Variants in NTRK2 observed in about 807,000 individuals in gnomAD.
NTRK2 encodes BDNF/NT-3 growth factors receptor.
A neutral mutation model predicts 94.5 loss-of-function variants in NTRK2; 13 were observed. The ratio of observed to expected loss-of-function variants is 0.14; its 90% CI spans 0.09 to 0.22. The LOEUF is 0.22. NTRK2 is among the 10% of genes least tolerant of loss of function. The pLI is 1.00. For missense variants in NTRK2, 639 were observed against 1,071.2 expected, an observed-to-expected ratio of 0.60 and a Z score of 5.63; for synonymous variants, 372 against 407.4, an observed-to-expected ratio of 0.91 and a Z score of 1.05.
intron 2 of NTRK2, among the ~76,000 whole-genome samples, chr9:84,698,269 T>C (rs1217491819): frequency 1.3e-5 from 2 of 152,116 alleles, no homozygotes; most frequent in African/African-American, 4.8e-5. Context: ...TTTTTAAAAG[T>C]TCACACAGAT....
chr9:84,923,770 G>T (rs551449077), intron 14 of NTRK2, among the ~76,000 whole-genome samples: 94 of 152,190 alleles, frequency 6.2e-4, no homozygotes, highest in African/African-American at 2.2e-3. Flanking sequence ...ACAAAAATTA[G>T]CTGGGTATGG....
chr9:84,744,160 AT>A (rs2063865972), intron 10 of NTRK2, among the ~76,000 whole-genome samples: 1 of 152,202 alleles, frequency 6.6e-6, no homozygotes, highest in Non-Finnish European at 1.5e-5. Flanking sequence ...GACCTTTTAT[AT>A]GCAATATTGC....
intron 8 of NTRK2, among the ~76,000 whole-genome samples, chr9:84,725,549 C>T (rs562564711): frequency 1.3e-5 from 2 of 151,570 alleles, no homozygotes; most frequent in Non-Finnish European, 2.9e-5. Flanking sequence ...CCACTGTGGT[C>T]CTTGTAGTGG....
intron 9 of NTRK2, among the ~76,000 whole-genome samples, chr9:84,733,123 A>G (rs2063007070): frequency 1.3e-5 from 2 of 152,146 alleles, no homozygotes; most frequent in Admixed American, 6.5e-5. Flanking sequence ...TTGTCCTCTG[A>G]GCCATCCGTT....
chr9:84,770,916 C>T (rs1354485698), intron 12 of NTRK2, among the ~76,000 whole-genome samples: 1 of 152,142 alleles, frequency 6.6e-6, no homozygotes, highest in African/African-American at 2.4e-5. Context: ...TGCTAACTCT[C>T]CTTTCCCCCC....
intron 14 of NTRK2, among the ~76,000 whole-genome samples, chr9:84,868,461 G>T (rs140381679): frequency 7.0e-4 from 106 of 152,190 alleles, no homozygotes; most frequent in African/African-American, 2.4e-3. Context: ...TTTATCCCAA[G>T]GCATGTTTAA....
intron 17 of NTRK2, among the ~76,000 whole-genome samples, chr9:84,966,220 T>C (rs1209505990): frequency 6.6e-6 from 1 of 152,210 alleles, no homozygotes; most frequent in Non-Finnish European, 1.5e-5. Context: ...TGATCTTACC[T>C]AGTACTATAG....
chr9:84,676,703 C>T (rs2059079057), intron 2 of NTRK2, among the ~76,000 whole-genome samples: 2 of 152,170 alleles, frequency 1.3e-5, no homozygotes, highest in African/African-American at 2.4e-5. Flanking sequence ...GTTCTGTGTT[C>T]TCAAACAGAC....
chr9:84,902,699 G>C (rs918171652), intron 14 of NTRK2, among the ~76,000 whole-genome samples: 1 of 152,184 alleles, frequency 6.6e-6, no homozygotes, highest in Non-Finnish European at 1.5e-5. Context: ...TGGGTGTCTT[G>C]TGTAGGAATC....
chr9:84,849,767 G>T (rs2074663149), intron 12 of NTRK2, among the ~76,000 whole-genome samples: 1 of 152,150 alleles, frequency 6.6e-6, no homozygotes. Flanking sequence ...CACGACTAAT[G>T]AATGTTCCTA....
At chr9:84,873,101 A>C (rs2075926961) in intron 14 of NTRK2, 2 of 1,064,594 alleles carry the variant, frequency 1.9e-6, no homozygotes, top group Non-Finnish European at 2.3e-6. Flanking sequence ...GATTATCTGC[A>C]GACTTCAGTG....
At chr9:84,749,266 C>T (rs138093809) in intron 11 of NTRK2, among the ~76,000 whole-genome samples, 3 of 152,062 alleles carry the variant, frequency 2.0e-5, no homozygotes, top group East Asian at 1.9e-4. Flanking sequence ...TTTGCAGAAG[C>T]GTTTTTGGGG....
chr9:84,722,507 C>T (rs2062146283), intron 6 of NTRK2, among the ~76,000 whole-genome samples: 1 of 152,030 alleles, frequency 6.6e-6, no homozygotes, highest in African/African-American at 2.4e-5. Context: ...CTTCTTTGAC[C>T]TCCAGGTTCT....
At chr9:84,971,048 G>C (rs1826125463) in intron 17 of NTRK2, among the ~76,000 whole-genome samples, 1 of 152,072 alleles carries the variant, frequency 6.6e-6, no homozygotes, top group Non-Finnish European at 1.5e-5. Context: ...GAGCAGGCTG[G>C]GACAGTGTTT....
chr9:84,779,001 A>C (rs1180899255), intron 12 of NTRK2, among the ~76,000 whole-genome samples: 1 of 152,210 alleles, frequency 6.6e-6, no homozygotes, highest in African/African-American at 2.4e-5. Context: ...AGCATTTAAC[A>C]GAAGGGAGGA....
chr9:84,832,992 G>A (rs1384778015), intron 12 of NTRK2, among the ~76,000 whole-genome samples: 1 of 152,040 alleles, frequency 6.6e-6, no homozygotes, highest in Non-Finnish European at 1.5e-5. Flanking sequence ...GGGCTGAGTG[G>A]GGACTTCTGT....
At chr9:84,672,128 A>G (rs1474459039) in intron 2 of NTRK2, among the ~76,000 whole-genome samples, 1 of 152,200 alleles carries the variant, frequency 6.6e-6, no homozygotes, top group Non-Finnish European at 1.5e-5. Flanking sequence ...ACATACAACC[A>G]TGTTTCTGCC....
intron 12 of NTRK2, among the ~76,000 whole-genome samples, chr9:84,798,988 C>T (rs532386798): frequency 6.8e-6 from 1 of 148,000 alleles, no homozygotes; most frequent in East Asian, 2.0e-4. Context: ...TTATCATTAG[C>T]TCCATTTTAT....
At chr9:84,822,600 G>A (rs2072921083) in intron 12 of NTRK2, among the ~76,000 whole-genome samples, 1 of 152,196 alleles carries the variant, frequency 6.6e-6, no homozygotes, top group Non-Finnish European at 1.5e-5. Context: ...ATGCAAGCAG[G>A]ACTGTGGGTG....
Sources: gnomAD v4.1 joint callset for allele counts (sites outside exome capture counted in the v4.1 genomes callset) on GRCh38, gnomAD v4.1.1 for gene constraint, MANE v1.5 for transcripts, NCBI Gene and HGNC (gene_info 2026-07-23, HGNC 2026-07-21) for gene names.